Variants in MGA observed in about 807,000 individuals in gnomAD.
The protein encoded by MGA is MAX gene-associated protein.
Under a neutral mutation model 261.1 loss-of-function variants are expected in MGA, and 40 were observed. That is an observed-to-expected ratio of 0.15 (90% CI 0.12 to 0.20). MGA has a LOEUF of 0.20. MGA is among the 10% of genes least tolerant of loss of function. The pLI, the probability that MGA is intolerant of heterozygous loss-of-function variation, is 1.00. For synonymous variants in MGA, 1,302 were observed against 1,290.6 expected, an observed-to-expected ratio of 1.01 and a Z score of -0.19; for missense variants, 3,397 against 3,630.5, an observed-to-expected ratio of 0.94 and a Z score of 1.65.
intron 2 of MGA, among the ~76,000 whole-genome samples, chr15:41,691,283 ATTC>A (rs1375606764): frequency 6.6e-6 from 1 of 152,096 alleles, no homozygotes; most frequent in Non-Finnish European, 1.5e-5. Context: ...TAAATATTTT[ATTC>A]TTGTTGATGC....
chr15:41,762,013 C>A, intron 21 of MGA, 116 bp from the exon 22 acceptor site: 1 of 1,044,280 alleles, frequency 9.6e-7, no homozygotes, highest in Non-Finnish European at 1.4e-6. Context: ...GAATTGTAAT[C>A]ACCTTACTTT....
chr15:41,766,464 A>C lies in MGA; in HGVS notation c.8382A>C (p.Lys2794Asn). Residue 2794 changes from lysine to asparagine, a missense_variant, in exon 24 of 24, where the codon AAA (lysine) becomes AAC (asparagine). Transcript: ENST00000219905. ...CAAGCATAGAGATGGAACTGAGGAA[A>C]GTAACATCAGCTATAGAGGAAGCAG... The C allele has an allele frequency of 6.2e-7, 1 of 1,614,016 alleles. No individual in the cohort carries two copies. The highest frequency in any genetic ancestry group is 8.5e-7 in the Non-Finnish European group (1 of 1,179,906).
chr15:41,652,498 AG>A (rs1179143655), intron 1 of MGA, among the ~76,000 whole-genome samples: 2 of 151,152 alleles, frequency 1.3e-5, no homozygotes, highest in African/African-American at 2.4e-5. Flanking sequence ...CTGAGTAGCT[AG>A]GACTATAGGC....
At chr15:41,725,199 G>A (rs977255278) in intron 9 of MGA, among the ~76,000 whole-genome samples, 3 of 152,194 alleles carry the variant, frequency 2.0e-5, no homozygotes, top group South Asian at 2.1e-4. Context: ...AGTGCTGGGC[G>A]TAGTAGCTCA....
chr15:41,700,892 A>T (rs997054927), intron 5 of MGA, among the ~76,000 whole-genome samples: 7 of 152,232 alleles, frequency 4.6e-5, no homozygotes, highest in Admixed American at 1.3e-4. Flanking sequence ...GAGTCTAAAC[A>T]TTATAAGTTA....
chr15:41,712,409 G>A (rs1268763867), intron 8 of MGA, among the ~76,000 whole-genome samples: 3 of 151,998 alleles, frequency 2.0e-5, no homozygotes, highest in African/African-American at 7.3e-5. Flanking sequence ...ATACAAATGG[G>A]GTTTTGCCAT....
chr15:41,733,692 T>C (rs891478246), intron 11 of MGA, among the ~76,000 whole-genome samples: 3 of 152,244 alleles, frequency 2.0e-5, no homozygotes, highest in Non-Finnish European at 2.9e-5. Context: ...CACAAAGATA[T>C]GTGCATGTAT....
chr15:41,689,879 T>A (rs972212506), intron 2 of MGA, among the ~76,000 whole-genome samples: 2 of 152,192 alleles, frequency 1.3e-5, no homozygotes, highest in Non-Finnish European at 2.9e-5. Context: ...AGAACTTCCT[T>A]TAATAGTTAT....
intron 9 of MGA, among the ~76,000 whole-genome samples, chr15:41,715,151 T>C (rs12909925): frequency 1.3e-5 from 2 of 149,544 alleles, no homozygotes; most frequent in East Asian, 3.9e-4. Flanking sequence ...TTTTTTTTTT[T>C]TCTTTTTTCT....
intron 22 of MGA, among the ~76,000 whole-genome samples, chr15:41,763,116 T>TTTC (rs1418870517): frequency 7.0e-6 from 1 of 142,244 alleles, no homozygotes; most frequent in African/African-American, 2.5e-5. Flanking sequence ...TTTTTTTTTT[T>TTTC]TGAGACAGAG....
intron 1 of MGA, among the ~76,000 whole-genome samples, chr15:41,631,972 T>C (rs1250357853): frequency 2.0e-5 from 3 of 152,218 alleles, no homozygotes; most frequent in Non-Finnish European, 4.4e-5. Flanking sequence ...GTTTATCTGA[T>C]CATATTACTC....
intron 19 of MGA, chr15:41,760,102 G>A (rs981536607): frequency 2.4e-5 from 12 of 508,400 alleles, no homozygotes; most frequent in African/African-American, 2.3e-4. Context: ...ACTGAGAGCT[G>A]GTAAGATCAC....
intron 2 of MGA, among the ~76,000 whole-genome samples, chr15:41,683,740 C>G (rs28555447): frequency 6.6e-6 from 1 of 151,634 alleles, no homozygotes; most frequent in Non-Finnish European, 1.5e-5. Flanking sequence ...GAACACTTGG[C>G]TAATTATTTT....
At chr15:41,765,111 A>G (rs758222193) in intron 23 of MGA, 49 bp downstream of exon 23, 1 of 1,584,644 alleles carries the variant, frequency 6.3e-7, no homozygotes, top group Non-Finnish European at 8.7e-7. Flanking sequence ...GTTATCCCTA[A>G]CATCTCACGG....
Position 41,749,764 on chromosome 15 carries a change from A to G in MGA, c.6157A>G (p.Ile2053Val). Residue 2053 changes from isoleucine (I) to valine (V), a missense_variant, in exon 17 of 24, where the codon ATC (isoleucine) becomes GTC (valine). Coordinates refer to ENST00000219905, the MANE Select transcript of MGA (RefSeq NM_001164273.2). Reference sequence around the variant, plus strand: ...TGTCAAACCATCTGAGCATTCCTGTATCACTGGGTCACATACAGATCAAGA... The same window carrying G: ...TGTCAAACCATCTGAGCATTCCTGTGTCACTGGGTCACATACAGATCAAGA... 6.2e-7 allele frequency: 1 copy of G among 1,614,002 alleles called. No homozygotes were observed. The highest frequency in any genetic ancestry group is 8.5e-7 in the Non-Finnish European group (1 of 1,179,882).
intron 1 of MGA, among the ~76,000 whole-genome samples, chr15:41,625,437 GTT>G (rs11304349): frequency 4.2e-5 from 6 of 143,194 alleles, no homozygotes; most frequent in African/African-American, 7.7e-5. Flanking sequence ...GAGGCCGGGA[GTT>G]TTTTTTTTTT....
intron 15 of MGA, 87 bp downstream of exon 15, chr15:41,743,259 A>G (rs940758119): frequency 9.4e-6 from 13 of 1,389,322 alleles, no homozygotes; most frequent in African/African-American, 4.4e-5. Context: ...TAGATATATC[A>G]GGATAACAGT....
intron 2 of MGA, among the ~76,000 whole-genome samples, chr15:41,685,850 A>G (rs1051099532): frequency 4.0e-5 from 6 of 151,760 alleles, no homozygotes; most frequent in Non-Finnish European, 7.4e-5. Flanking sequence ...AAAATACAAA[A>G]AGAAATTAGC....
chr15:41,680,899 T>C (rs1358290093), intron 2 of MGA, among the ~76,000 whole-genome samples: 1 of 152,214 alleles, frequency 6.6e-6, no homozygotes, highest in Non-Finnish European at 1.5e-5. Context: ...TTGAGCTGGC[T>C]CAGAGTCCCA....
Sources: gnomAD v4.1 joint callset for allele counts (sites outside exome capture counted in the v4.1 genomes callset) on GRCh38, gnomAD v4.1.1 for gene constraint, MANE v1.5 for transcripts, NCBI Gene and HGNC (gene_info 2026-07-23, HGNC 2026-07-21) for gene names.